Variants in LAMC1 observed in about 807,000 individuals in gnomAD.
LAMC1 encodes the protein laminin subunit gamma-1.
Under a neutral mutation model 173.6 loss-of-function variants are expected in LAMC1, and 38 were observed. That is an observed-to-expected ratio of 0.22 (90% CI 0.17 to 0.29). The LOEUF (loss-of-function observed/expected upper bound fraction) is 0.29, where lower values mean the gene tolerates loss of function less well. Ranked by LOEUF, LAMC1 falls within the 10% of genes least tolerant of loss-of-function variation. LAMC1 has a pLI of 1.00. For synonymous variants in LAMC1, 746 were observed against 749.1 expected (o/e 1.00, Z 0.07); for missense variants, 1,824 against 2,051.8 (o/e 0.89, Z 2.14).
At position 183,023,666 on chromosome 1, in the gene LAMC1, G is replaced by A. The variant is rs185693246; in HGVS notation, c.-51G>A. ...TCCGGGGGACGCCGCTAGGCGAGAGGAACGCGCCGGTGCCCTTGCCTTCGC... is the reference window on the plus strand; with the variant it reads ...TCCGGGGGACGCCGCTAGGCGAGAGAAACGCGCCGGTGCCCTTGCCTTCGC... On this transcript the variant is annotated 5_prime_UTR_variant, in exon 1 of 28. Coordinates refer to ENST00000258341, the MANE Select transcript of LAMC1 (RefSeq NM_002293.4). The A allele has an allele frequency of 2.6e-6, 3 of 1,147,380 alleles. No individual in the cohort carries two copies. In the South Asian group the frequency reaches 1.3e-4, roughly 50 times the overall value. 71.1% of individuals were successfully genotyped at this position (1,147,380 alleles called of 1,614,324 possible). A position where few individuals can be genotyped will look rare whatever the true frequency, so the allele number is the denominator to read the frequency against.
rs543723252 is a variant in LAMC1 at position 183,064,718 on chromosome 1, G to A, written c.419-38610G>A. On this transcript the variant is annotated intron_variant, in intron 1 of 27. Coordinates refer to ENST00000258341, the MANE Select transcript of LAMC1 (RefSeq NM_002293.4). ...AAACCAAAACAAAATAACAAATATG[G>A]CAGGTCACCACATACTTTTGTACTG... Among the ~76,000 whole-genome samples the A allele has an allele frequency of 3.3e-5, 5 of 152,144 alleles. No individual in the cohort carries two copies. In the South Asian group the frequency reaches 1.0e-3, roughly 32 times the overall value.
At chr1:183,079,404 G>A (rs1655210094) in intron 1 of LAMC1, among the ~76,000 whole-genome samples, 1 of 151,780 alleles carries the variant, frequency 6.6e-6, no homozygotes, top group Admixed American at 6.6e-5. Flanking sequence ...GCAGGCACAT[G>A]CCACTACACC....
chr1:183,134,152 T>C (rs1280241207), intron 22 of LAMC1, among the ~76,000 whole-genome samples: 2 of 152,218 alleles, frequency 1.3e-5, no homozygotes, highest in Non-Finnish European at 2.9e-5. Context: ...TCTGTATAAA[T>C]GGTATTTTTT....
intron 1 of LAMC1, among the ~76,000 whole-genome samples, chr1:183,064,021 T>C (rs905143464): frequency 1.1e-4 from 16 of 152,194 alleles, no homozygotes; most frequent in Non-Finnish European, 2.2e-4. Flanking sequence ...ACCTGAAATT[T>C]GAAATCTGTA....
chr1:183,111,543 A>C (rs551244588), intron 4 of LAMC1, among the ~76,000 whole-genome samples: 1 of 152,332 alleles, frequency 6.6e-6, no homozygotes, highest in Admixed American at 6.5e-5. Context: ...AAAAAGTAAA[A>C]TGAAAAAACT....
chr1:183,131,328 C>T lies in LAMC1; in HGVS notation c.3516C>T (p.Asp1172=). Residue 1172 remains aspartate, a synonymous_variant, in exon 20 of 28, where the codon GAC becomes GAT. Transcript: ENST00000258341. ...VSVTQPESTG[D]PNNMTLLAEE... ...TCACTCAGCCAGAATCTACAGGGGA[C>T]CCAAACAACATGACTCTTTTGGCAG... The T allele has an allele frequency of 1.9e-6, 3 of 1,613,838 alleles. No individual in the cohort carries two copies. The highest frequency in any genetic ancestry group is 2.5e-6 in the Non-Finnish European group (3 of 1,179,884).
At chr1:183,044,417 A>G (rs1654212959) in intron 1 of LAMC1, among the ~76,000 whole-genome samples, 2 of 152,226 alleles carry the variant, frequency 1.3e-5, no homozygotes, top group East Asian at 1.9e-4. Context: ...TTATTTTCAT[A>G]TGCACCCAGC....
intron 27 of LAMC1, among the ~76,000 whole-genome samples, chr1:183,141,936 ACATCT>A (rs1189323477): frequency 6.6e-6 from 1 of 152,194 alleles, no homozygotes; most frequent in Non-Finnish European, 1.5e-5. Flanking sequence ...TGTTATGGAA[ACATCT>A]CATTTCTTTC....
At chr1:183,041,512 A>G (rs771758806) in intron 1 of LAMC1, among the ~76,000 whole-genome samples, 2 of 152,176 alleles carry the variant, frequency 1.3e-5, no homozygotes, top group Non-Finnish European at 2.9e-5. Context: ...TCCAGTAAGC[A>G]TATTGCATAC....
intron 17 of LAMC1, 100 bp downstream of exon 17, chr1:183,127,504 TGTG>T: frequency 6.2e-6 from 6 of 974,802 alleles, no homozygotes; most frequent in Non-Finnish European, 7.8e-6. Context: ...ACAAGGTAGA[TGTG>T]GTCCCTGTTC....
At chr1:183,041,823 A>G (rs954155204) in intron 1 of LAMC1, among the ~76,000 whole-genome samples, 2 of 152,128 alleles carry the variant, frequency 1.3e-5, no homozygotes, top group African/African-American at 4.8e-5. Context: ...TACCTTTTAT[A>G]TGGTAGTAGG....
intron 6 of LAMC1, 48 bp from the exon 7 acceptor site, chr1:183,116,529 G>A: frequency 7.7e-7 from 1 of 1,293,254 alleles, no homozygotes; most frequent in African/African-American, 1.5e-5. Context: ...TTGAAGAGTG[G>A]AAGTTTTCTC....
At chr1:183,114,994 C>T (rs1486418874) in intron 5 of LAMC1, among the ~76,000 whole-genome samples, 1 of 152,150 alleles carries the variant, frequency 6.6e-6, no homozygotes, top group East Asian at 1.9e-4. Context: ...ACAATTTGAA[C>T]TTTGACTGTA....
chr1:183,131,757 TTTC>T (rs1656801332), intron 20 of LAMC1, among the ~76,000 whole-genome samples: 1 of 152,250 alleles, frequency 6.6e-6, no homozygotes, highest in Admixed American at 6.5e-5. Context: ...AGGTAAATGA[TTTC>T]TTGCTGGCAT....
intron 1 of LAMC1, among the ~76,000 whole-genome samples, chr1:183,053,633 G>GT (rs935100802): frequency 2.0e-3 from 290 of 145,020 alleles, no homozygotes; most frequent in Middle Eastern, 3.6e-3. Context: ...GATAGTTTTG[G>GT]TTTTTTTTTT....
At chr1:183,069,029 G>A (rs1222468090) in intron 1 of LAMC1, among the ~76,000 whole-genome samples, 1 of 152,132 alleles carries the variant, frequency 6.6e-6, no homozygotes, top group African/African-American at 2.4e-5. Flanking sequence ...TTTTGTGGGA[G>A]ACAGTTTTCC....
intron 1 of LAMC1, among the ~76,000 whole-genome samples, chr1:183,098,800 A>G (rs974521422): frequency 6.6e-6 from 1 of 152,214 alleles, no homozygotes; most frequent in Non-Finnish European, 1.5e-5. Flanking sequence ...ACAGAGAGCA[A>G]AGAGGCAGGT....
At chr1:183,102,166 C>G (rs1158245864) in intron 1 of LAMC1, among the ~76,000 whole-genome samples, 1 of 152,188 alleles carries the variant, frequency 6.6e-6, no homozygotes, top group Admixed American at 6.5e-5. Flanking sequence ...GGAATCGCTC[C>G]TTGTCTCTCA....
intron 1 of LAMC1, among the ~76,000 whole-genome samples, chr1:183,059,211 G>A (rs1571414485): frequency 6.6e-6 from 1 of 152,214 alleles, no homozygotes; most frequent in African/African-American, 2.4e-5. Flanking sequence ...TCAGAGATAA[G>A]GGAGAAGCTT....
Sources: allele counts gnomAD v4.1 joint callset (sites outside exome capture counted in the v4.1 genomes callset), GRCh38; gene constraint gnomAD v4.1.1; transcripts MANE v1.5; gene names NCBI Gene and HGNC (gene_info 2026-07-23, HGNC 2026-07-21).